Variants in MAP3K15 observed in about 807,000 individuals in gnomAD.
MAP3K15 encodes mitogen-activated protein kinase kinase kinase 15.
In MAP3K15, 124 loss-of-function variants were observed where a neutral mutation model predicts 99.5. That is an observed-to-expected ratio of 1.25 (90% CI 1.08 to 1.45). The LOEUF is 1.45. MAP3K15 is among the 40% of genes most tolerant of loss of function. MAP3K15 has a pLI of 0.00. For missense variants in MAP3K15, 1,242 were observed against 1,079.7 expected, an observed-to-expected ratio of 1.15 and a Z score of -2.11; for synonymous variants, 494 against 439.6, an observed-to-expected ratio of 1.12 and a Z score of -1.55.
intron 1 of MAP3K15, among the ~76,000 whole-genome samples, chrX:19,502,566 C>T (rs894479810): frequency 2.7e-5 from 3 of 111,918 alleles, no homozygotes; most frequent in Non-Finnish European, 5.6e-5. Flanking sequence ...CACCTGTAAT[C>T]CCAACACTTT....
intron 9 of MAP3K15, among the ~76,000 whole-genome samples, chrX:19,417,929 C>A (rs1352094156): frequency 8.9e-6 from 1 of 112,221 alleles, no homozygotes; most frequent in Admixed American, 9.4e-5. Flanking sequence ...CCCAGGCAAA[C>A]AGGGTCTGGA....
At position 19,369,327 on chromosome X, in the gene MAP3K15, C is replaced by T; in HGVS notation, c.3401-108G>A. The T allele has an allele frequency of 6.9e-6, 6 of 871,777 alleles. No homozygotes were observed. In the Admixed American group the frequency reaches 7.1e-5, roughly 10 times the overall value. The allele number at this position is 871,777 out of a possible 1,213,427, so 71.8% of individuals were successfully genotyped here. ...GGGCTGTTCAGAAGCTGGCCCAGCCCGTGCCATGCTCCATTAGGGGACTGC... is the reference window on the plus strand; with the variant it reads ...GGGCTGTTCAGAAGCTGGCCCAGCCTGTGCCATGCTCCATTAGGGGACTGC... On this transcript the variant is annotated intron_variant, in intron 24 of 28. Transcript: ENST00000338883.
At chrX:19,362,945 G>GA (rs1327225702) in intron 25 of MAP3K15, 95 bp from the exon 26 acceptor site, 11 of 479,490 alleles carry the variant, frequency 2.3e-5, no homozygotes, top group South Asian at 6.7e-5. Flanking sequence ...ATTAGAGATG[G>GA]AAAAAAAATG....
chrX:19,414,092 C>T (rs1476827376), intron 10 of MAP3K15, among the ~76,000 whole-genome samples: 3 of 97,195 alleles, frequency 3.1e-5, no homozygotes, highest in Admixed American at 1.2e-4. Flanking sequence ...ACCCAGGAGG[C>T]GGAGGTTGCA....
intron 6 of MAP3K15, among the ~76,000 whole-genome samples, chrX:19,442,166 G>T (rs373128872): frequency 1.8e-5 from 2 of 111,096 alleles, no homozygotes; most frequent in East Asian, 5.7e-4. Context: ...AGACACCAGG[G>T]ATTCTCACGC....
chrX:19,443,021 G>GAT (rs2063970838), intron 6 of MAP3K15, among the ~76,000 whole-genome samples: 2 of 11,736 alleles, frequency 1.7e-4, no homozygotes, highest in African/African-American at 4.5e-4. Context: ...ACCATGCCCG[G>GAT]CTTTTTTTTT....
chrX:19,463,577 G>C (rs973876740), intron 4 of MAP3K15, among the ~76,000 whole-genome samples: 2 of 112,161 alleles, frequency 1.8e-5, no homozygotes, highest in Non-Finnish European at 3.8e-5. Context: ...TGAAGGTATG[G>C]TTTCTTGAGC....
At chrX:19,380,304 G>C (rs751852546) in intron 18 of MAP3K15, 27 bp from the exon 19 acceptor site, 29 of 1,200,678 alleles carry the variant, frequency 2.4e-5, no homozygotes, top group Non-Finnish European at 3.1e-5. Flanking sequence ...CAAACAGGCT[G>C]TGGGTACCAT....
chrX:19,378,225 T>C (rs988899073), intron 19 of MAP3K15, among the ~76,000 whole-genome samples: 1 of 112,479 alleles, frequency 8.9e-6, no homozygotes, highest in Non-Finnish European at 1.9e-5. Flanking sequence ...TGCGGCCTCA[T>C]CATCCATAAG....
rs184558657 is a variant in MAP3K15, at chrX:19,393,875, C to T, written c.2194+1206G>A. Among the ~76,000 whole-genome samples the T allele has an allele frequency of 5.0e-3, 495 of 98,059 alleles. 2 individuals are homozygous for T. The highest frequency in any genetic ancestry group is 0.023 in the South Asian group (45 of 1,994). 85.2% of individuals were successfully genotyped at this position (98,059 alleles called of 115,157 possible). Reference sequence around the variant, plus strand: ...GCAACCTCCTCCTCCTGGTTTTAAGCGATTCTTGTGCCTCAGCCTCCGGAG... The same window carrying T: ...GCAACCTCCTCCTCCTGGTTTTAAGTGATTCTTGTGCCTCAGCCTCCGGAG... On this transcript the variant is annotated intron_variant, in intron 16 of 28. Transcript: ENST00000338883.
chrX:19,471,570 C>T (rs2064208108), intron 3 of MAP3K15, among the ~76,000 whole-genome samples: 1 of 110,983 alleles, frequency 9.0e-6, no homozygotes, highest in Non-Finnish European at 1.9e-5. Context: ...CCCCAGATAT[C>T]ATTTTTTAAA....
chrX:19,398,262 C>T lies in MAP3K15; in HGVS notation c.2030G>A (p.Arg677Gln). Residue 677 changes from arginine (R) to glutamine (Q), a missense_variant, in exon 15 of 29, where the codon CGA becomes CAA. By Grantham distance (43) the Arg-to-Gln change is conservative. Transcript: ENST00000338883. ...CTCCGGGATTTCTTTGATGGCTATTCGCACTTGATTGCTCAGATCTCGGCC... is the reference window on the plus strand; with the variant it reads ...CTCCGGGATTTCTTTGATGGCTATTTGCACTTGATTGCTCAGATCTCGGCC... ...YAGRDLSNQV[R>Q]IAIKEIPERD... The T allele has an allele frequency of 4.1e-6, 5 of 1,211,292 alleles. No homozygotes were observed. The highest frequency in any genetic ancestry group is 5.6e-6 in the Non-Finnish European group (5 of 895,466).
intron 1 of MAP3K15, among the ~76,000 whole-genome samples, chrX:19,509,909 G>A (rs2064506318): frequency 9.0e-6 from 1 of 110,849 alleles, no homozygotes; most frequent in Non-Finnish European, 1.9e-5. Flanking sequence ...ATGATAAAGG[G>A]GCAATCACCA....
intron 7 of MAP3K15, among the ~76,000 whole-genome samples, chrX:19,427,316 G>GTT (rs1055711572): frequency 2.7e-5 from 3 of 111,306 alleles, no homozygotes; most frequent in African/African-American, 9.8e-5. Context: ...CCTAAACCTT[G>GTT]TTTCTAAAGT....
At chrX:19,391,846 A>G (rs1163571320) in intron 18 of MAP3K15, among the ~76,000 whole-genome samples, 156 bp downstream of exon 18, 1 of 111,348 alleles carries the variant, frequency 9.0e-6, no homozygotes, top group East Asian at 2.8e-4. Flanking sequence ...AAGTTAAAAC[A>G]ATTTGAAGTT....
At chrX:19,399,824 A>G (rs1403541550) in intron 14 of MAP3K15, among the ~76,000 whole-genome samples, 1 of 108,227 alleles carries the variant, frequency 9.2e-6, no homozygotes, top group Non-Finnish European at 1.9e-5. Flanking sequence ...AGCCTGCTCC[A>G]TAGAAGACTT....
intron 25 of MAP3K15, among the ~76,000 whole-genome samples, chrX:19,363,119 C>G (rs2063305875): frequency 8.9e-6 from 1 of 111,941 alleles, no homozygotes; most frequent in African/African-American, 3.2e-5. Context: ...TTGCAATGGA[C>G]TCAATGTGTG....
intron 1 of MAP3K15, among the ~76,000 whole-genome samples, chrX:19,508,839 G>T (rs749762645): frequency 1.1e-4 from 12 of 111,576 alleles, no homozygotes; most frequent in Non-Finnish European, 1.9e-4. Flanking sequence ...TGCCAAGATC[G>T]TGCCACTGCA....
chrX:19,466,767 G>T (rs2064172470), intron 3 of MAP3K15: 1 of 111,480 alleles, frequency 9.0e-6, no homozygotes, highest in Non-Finnish European at 1.9e-5. Context: ...TACCTTTGAA[G>T]AAACATCATT....
Sources: allele counts gnomAD v4.1 joint callset (sites outside exome capture counted in the v4.1 genomes callset), GRCh38; gene constraint gnomAD v4.1.1; transcripts MANE v1.5; gene names NCBI Gene and HGNC (gene_info 2026-07-23, HGNC 2026-07-21).